TAF4: variants seen among roughly 807,000 people sequenced by gnomAD.
TAF4 encodes the protein transcription initiation factor TFIID subunit 4.
Under a neutral mutation model 90.3 loss-of-function variants are expected in TAF4, and 9 were observed. The observed-to-expected ratio is 0.10, with a 90% CI of 0.06 to 0.17. TAF4 has a LOEUF of 0.17. TAF4 is among the 10% of genes least tolerant of loss of function. TAF4 has a pLI of 1.00. For synonymous variants in TAF4, 818 were observed against 638.9 expected (o/e 1.28, Z -4.23); for missense variants, 1,351 against 1,370.7 (o/e 0.99, Z 0.23).
chr20:62,016,732 T>C (rs1279236258), intron 1 of TAF4, among the ~76,000 whole-genome samples: 2 of 152,240 alleles, frequency 1.3e-5, no homozygotes, highest in African/African-American at 2.4e-5. Flanking sequence ...CTCCCCTTCA[T>C]AGATTCATCT....
At chr20:61,988,960 C>T (rs562284278) in intron 14 of TAF4, among the ~76,000 whole-genome samples, 7 of 152,240 alleles carry the variant, frequency 4.6e-5, no homozygotes, top group African/African-American at 1.7e-4. Context: ...TCCCTCCTGG[C>T]GCCGCGACCC....
At chr20:61,990,701 G>C (rs149271055) in intron 14 of TAF4, among the ~76,000 whole-genome samples, 1 of 152,226 alleles carries the variant, frequency 6.6e-6, no homozygotes, top group East Asian at 1.9e-4. Flanking sequence ...AGGGCCTCAC[G>C]CAGGAGAGAA....
intron 14 of TAF4, among the ~76,000 whole-genome samples, chr20:61,982,039 C>G (rs867618575): frequency 8.4e-6 from 1 of 119,752 alleles, no homozygotes; most frequent in Non-Finnish European, 1.8e-5. Flanking sequence ...AAACCCACAC[C>G]CCACCCAAGA....
intron 3 of TAF4, among the ~76,000 whole-genome samples, chr20:62,011,374 A>G (rs1156257332): frequency 1.3e-5 from 2 of 152,134 alleles, no homozygotes; most frequent in South Asian, 2.1e-4. Context: ...CTAAGAACAC[A>G]TATTTCACTC....
chr20:62,060,297 C>G (rs527912427), intron 1 of TAF4, among the ~76,000 whole-genome samples: 2 of 152,274 alleles, frequency 1.3e-5, no homozygotes, highest in African/African-American at 2.4e-5. Flanking sequence ...ACCAGGGCAA[C>G]CGTAACGAAC....
At chr20:62,012,959 A>C in intron 2 of TAF4, 25 bp from the exon 3 acceptor site, 1 of 1,611,120 alleles carries the variant, frequency 6.2e-7, no homozygotes, top group Non-Finnish European at 8.5e-7. Flanking sequence ...GAGTCACCTA[A>C]AACGAGCGCA....
intron 1 of TAF4, among the ~76,000 whole-genome samples, chr20:62,036,595 C>T (rs1202797631): frequency 6.6e-6 from 1 of 152,208 alleles, no homozygotes; most frequent in Non-Finnish European, 1.5e-5. Context: ...AAGGATAATA[C>T]ATGTGACCAA....
chr20:62,027,102 G>C (rs924064482), intron 1 of TAF4, among the ~76,000 whole-genome samples: 1 of 152,208 alleles, frequency 6.6e-6, no homozygotes, highest in Non-Finnish European at 1.5e-5. Flanking sequence ...AGTTCACCCT[G>C]AAGTTTAAAG....
At chr20:62,003,597 CCACTG>C (rs2055722313) in intron 8 of TAF4, 129 bp downstream of exon 8, 1 of 982,566 alleles carries the variant, frequency 1.0e-6, no homozygotes, top group African/African-American at 1.6e-5. Context: ...GAAATCAGTG[CCACTG>C]AACTAGATAC....
chr20:62,048,450 A>G (rs2056006251), intron 1 of TAF4, among the ~76,000 whole-genome samples: 1 of 152,076 alleles, frequency 6.6e-6, no homozygotes, highest in Non-Finnish European at 1.5e-5. Context: ...AGCAGGTCCT[A>G]GCTAGCCCCT....
chr20:62,064,119 G>A (rs1400132888), intron 1 of TAF4, among the ~76,000 whole-genome samples: 2 of 152,242 alleles, frequency 1.3e-5, no homozygotes, highest in East Asian at 1.9e-4. Flanking sequence ...TACCAACCCG[G>A]GCAGGGACGC....
At chr20:62,062,916 A>G (rs1820584286) in intron 1 of TAF4, among the ~76,000 whole-genome samples, 2 of 152,190 alleles carry the variant, frequency 1.3e-5, no homozygotes, top group African/African-American at 4.8e-5. Context: ...GGACCTCTGG[A>G]AAAACATTTT....
chr20:62,054,268 G>GC (rs1429732809), intron 1 of TAF4, among the ~76,000 whole-genome samples: 2 of 152,186 alleles, frequency 1.3e-5, no homozygotes, highest in African/African-American at 4.8e-5. Context: ...CCATTAAGGG[G>GC]CCACGGGGTT....
intron 5 of TAF4, 78 bp downstream of exon 5, chr20:62,008,974 C>A: frequency 6.5e-7 from 1 of 1,527,410 alleles, no homozygotes; most frequent in Non-Finnish European, 8.8e-7. Context: ...CTCCCGGGCA[C>A]AGGTCACAGC....
chr20:62,065,850 G>C lies in TAF4; in HGVS notation c.-40C>G, dbSNP rs1191746070. The C allele has an allele frequency of 4.1e-6, 5 of 1,227,260 alleles. No homozygotes were observed. The highest frequency in any genetic ancestry group is 1.6e-5 in the African/African-American group (1 of 61,214). 76.0% of individuals were successfully genotyped at this position (1,227,260 alleles called of 1,614,324 possible). On this transcript the variant is annotated 5_prime_UTR_variant, in exon 1 of 15. Coordinates refer to ENST00000252996, the MANE Select transcript of TAF4 (RefSeq NM_003185.4). ...CGCCGCCGCCGCCGCCGCTCGGGCCGAGCGCGCCTGGGCGAGGAGGAGGTT... is the reference window on the plus strand; with the variant it reads ...CGCCGCCGCCGCCGCCGCTCGGGCCCAGCGCGCCTGGGCGAGGAGGAGGTT...
At chr20:62,056,925 A>T (rs2056068000) in intron 1 of TAF4, among the ~76,000 whole-genome samples, 1 of 152,214 alleles carries the variant, frequency 6.6e-6, no homozygotes, top group South Asian at 2.1e-4. Flanking sequence ...TCCTGTCATG[A>T]TGCTTCTGAC....
intron 1 of TAF4, among the ~76,000 whole-genome samples, chr20:62,061,193 G>T (rs537216445): frequency 6.6e-6 from 1 of 152,330 alleles, no homozygotes; most frequent in African/African-American, 2.4e-5. Flanking sequence ...AGGGGTGGCC[G>T]TCTGCATGCC....
intron 14 of TAF4, among the ~76,000 whole-genome samples, chr20:61,992,593 G>A (rs2055638218): frequency 6.6e-6 from 1 of 151,674 alleles, no homozygotes; most frequent in Non-Finnish European, 1.5e-5. Flanking sequence ...ACCCATATAA[G>A]CCCATGAGAC....
At chr20:62,063,543 A>T (rs970851257) in intron 1 of TAF4, among the ~76,000 whole-genome samples, 1 of 152,150 alleles carries the variant, frequency 6.6e-6, no homozygotes, top group Non-Finnish European at 1.5e-5. Flanking sequence ...CAGAGACAGC[A>T]GACTAGACAG....
Sources: gnomAD v4.1 joint callset for allele counts (sites outside exome capture counted in the v4.1 genomes callset) on GRCh38, gnomAD v4.1.1 for gene constraint, MANE v1.5 for transcripts, NCBI Gene and HGNC (gene_info 2026-07-23, HGNC 2026-07-21) for gene names.